Variants in TENM4 observed in about 807,000 individuals in gnomAD.
TENM4 encodes teneurin-4.
TENM4 carries 82 observed loss-of-function variants against 243.3 expected under a neutral mutation model. That is an observed-to-expected ratio of 0.34 (90% CI 0.28 to 0.40). The LOEUF is 0.40. TENM4 is among the 10% of genes least tolerant of loss of function. The pLI, the probability that TENM4 is intolerant of heterozygous loss-of-function variation, is 1.00. For missense variants in TENM4, 3,138 were observed against 3,673.3 expected, an observed-to-expected ratio of 0.85 and a Z score of 3.77; for synonymous variants, 1,412 against 1,456.3, an observed-to-expected ratio of 0.97 and a Z score of 0.69.
chr11:79,063,061 C>T (rs866800042), intron 6 of TENM4, among the ~76,000 whole-genome samples: 3 of 152,160 alleles, frequency 2.0e-5, no homozygotes, highest in South Asian at 2.1e-4. Context: ...ACCCTCCCAC[C>T]CCTAGACAAG....
At chr11:79,210,462 C>T (rs1350714825) in intron 3 of TENM4, among the ~76,000 whole-genome samples, 1 of 152,136 alleles carries the variant, frequency 6.6e-6, no homozygotes, top group African/African-American at 2.4e-5. Flanking sequence ...TGGAAAGATA[C>T]AACAGAAACA....
chr11:78,967,260 TG>T (rs1465591624), intron 6 of TENM4, among the ~76,000 whole-genome samples: 1 of 152,216 alleles, frequency 6.6e-6, no homozygotes, highest in Non-Finnish European at 1.5e-5. Context: ...CATTACCATA[TG>T]TGCCTAGTGC....
At chr11:79,075,302 C>A (rs978508742) in intron 4 of TENM4, among the ~76,000 whole-genome samples, 1 of 152,224 alleles carries the variant, frequency 6.6e-6, no homozygotes, top group East Asian at 1.9e-4. Flanking sequence ...AAGTGTCCAA[C>A]TGCAAACCTT....
intron 4 of TENM4, among the ~76,000 whole-genome samples, chr11:79,111,716 G>T (rs1176978238): frequency 6.6e-6 from 1 of 152,212 alleles, no homozygotes; most frequent in Non-Finnish European, 1.5e-5. Flanking sequence ...GTGAGGCCAT[G>T]GGCCTGCCCT....
intron 4 of TENM4, among the ~76,000 whole-genome samples, chr11:79,078,169 C>T (rs558981953): frequency 2.2e-4 from 33 of 152,260 alleles, no homozygotes; most frequent in Non-Finnish European, 4.3e-4. Context: ...CGGGTTACCT[C>T]GCAGCCTCAG....
intron 1 of TENM4, among the ~76,000 whole-genome samples, chr11:79,328,743 A>T (rs4945341): frequency 6.6e-6 from 1 of 151,814 alleles, no homozygotes; most frequent in South Asian, 2.1e-4. Context: ...GAAATATAAC[A>T]TTTACTGAAC....
At chr11:79,067,221 A>G (rs1386336268) in intron 5 of TENM4, among the ~76,000 whole-genome samples, 1 of 152,200 alleles carries the variant, frequency 6.6e-6, no homozygotes, top group East Asian at 1.9e-4. Flanking sequence ...AGTATTTTGC[A>G]TACCACTCCT....
At chr11:79,175,292 G>A (rs560624329) in intron 3 of TENM4, among the ~76,000 whole-genome samples, 3 of 152,080 alleles carry the variant, frequency 2.0e-5, no homozygotes, top group Non-Finnish European at 4.4e-5. Context: ...TTTTTCCACG[G>A]GTGATAGTAA....
At chr11:78,776,365 A>G (rs1177189082) in intron 17 of TENM4, among the ~76,000 whole-genome samples, 3 of 152,128 alleles carry the variant, frequency 2.0e-5, no homozygotes, top group African/African-American at 7.2e-5. Flanking sequence ...CCCTCATCAC[A>G]CTTTGTTGGA....
intron 27 of TENM4, among the ~76,000 whole-genome samples, chr11:78,704,430 G>A (rs1022903498): frequency 6.6e-5 from 10 of 152,010 alleles, no homozygotes; most frequent in Non-Finnish European, 1.2e-4. Flanking sequence ...GACAAAGACC[G>A]AGAACCAACT....
chr11:79,219,117 C>T (rs1264912067), intron 2 of TENM4, among the ~76,000 whole-genome samples: 1 of 152,212 alleles, frequency 6.6e-6, no homozygotes, highest in African/African-American at 2.4e-5. Context: ...TCATGGAAGA[C>T]TGCCTTGCAG....
At chr11:78,998,040 C>G (rs1165009487) in intron 6 of TENM4, among the ~76,000 whole-genome samples, 1 of 152,212 alleles carries the variant, frequency 6.6e-6, no homozygotes, top group Non-Finnish European at 1.5e-5. Context: ...AAAACCAAAT[C>G]TGCTGGCACC....
intron 19 of TENM4, among the ~76,000 whole-genome samples, chr11:78,755,021 G>A (rs543674690): frequency 3.2e-4 from 49 of 152,300 alleles, no homozygotes; most frequent in African/African-American, 6.0e-4. Flanking sequence ...TCTGCATCCC[G>A]CTCCGTCATG....
At chr11:78,735,892 C>G (rs974350790) in intron 20 of TENM4, among the ~76,000 whole-genome samples, 3 of 145,262 alleles carry the variant, frequency 2.1e-5, no homozygotes, top group Non-Finnish European at 4.5e-5. Context: ...CCCCCTTTCT[C>G]CCTTTCCTTT....
chr11:79,265,438 G>C (rs892149242), intron 2 of TENM4, among the ~76,000 whole-genome samples: 1 of 152,148 alleles, frequency 6.6e-6, no homozygotes, highest in South Asian at 2.1e-4. Context: ...AAGACTTAGA[G>C]TGAAAACAAG....
intron 1 of TENM4, among the ~76,000 whole-genome samples, chr11:79,426,388 C>T (rs1373079832): frequency 6.6e-6 from 1 of 152,170 alleles, no homozygotes; most frequent in Non-Finnish European, 1.5e-5. Context: ...AGAGTGACCT[C>T]AGGCAAGATG....
intron 2 of TENM4, among the ~76,000 whole-genome samples, chr11:79,238,950 G>A (rs1864534714): frequency 6.6e-6 from 1 of 152,150 alleles, no homozygotes; most frequent in Admixed American, 6.5e-5. Flanking sequence ...GCTTAAACCT[G>A]GAAGGCAGGG....
At chr11:79,242,372 A>G (rs1855436991) in intron 2 of TENM4, among the ~76,000 whole-genome samples, 1 of 152,198 alleles carries the variant, frequency 6.6e-6, no homozygotes, top group African/African-American at 2.4e-5. Context: ...GTTTCCAAAT[A>G]TAGAAAAAAA....
intron 15 of TENM4, among the ~76,000 whole-genome samples, chr11:78,791,340 G>T (rs1316341725): frequency 1.3e-5 from 2 of 152,190 alleles, no homozygotes; most frequent in Non-Finnish European, 2.9e-5. Flanking sequence ...TCCTGAAGTG[G>T]CTAGTGAAAG....
Sources: allele counts gnomAD v4.1 joint callset (sites outside exome capture counted in the v4.1 genomes callset), GRCh38; gene constraint gnomAD v4.1.1; transcripts MANE v1.5; gene names NCBI Gene and HGNC (gene_info 2026-07-23, HGNC 2026-07-21).